Variants in KMT2C observed in about 807,000 individuals in gnomAD.
KMT2C encodes the protein histone-lysine N-methyltransferase 2C.
A neutral mutation model predicts 507.9 loss-of-function variants in KMT2C; 88 were observed. That is an observed-to-expected ratio of 0.17 (90% CI 0.15 to 0.21). KMT2C has a LOEUF of 0.21. Among genes scored for constraint, KMT2C ranks in the 10% least tolerant of loss-of-function variants. KMT2C has a pLI of 1.00. For synonymous variants in KMT2C, 2,049 were observed against 2,080.8 expected (o/e 0.98, Z 0.42); for missense variants, 4,954 against 5,957.8 (o/e 0.83, Z 5.55).
chr7:152,197,895 TTC>T (rs2094011490), intron 27 of KMT2C, among the ~76,000 whole-genome samples: 1 of 152,090 alleles, frequency 6.6e-6, no homozygotes, highest in South Asian at 2.1e-4. Flanking sequence ...TGTAAAACTG[TTC>T]TCTCTTCAGT....
intron 2 of KMT2C, among the ~76,000 whole-genome samples, chr7:152,352,319 C>T (rs1438992054): frequency 6.6e-6 from 1 of 152,172 alleles, no homozygotes; most frequent in African/African-American, 2.4e-5. Context: ...AATTACAATG[C>T]GTGCCCGAAA....
At chr7:152,164,491 G>A (rs559441935) in intron 42 of KMT2C, among the ~76,000 whole-genome samples, 51 of 151,714 alleles carry the variant, frequency 3.4e-4, no homozygotes, top group Non-Finnish European at 5.6e-4. Context: ...GGGTTTCACC[G>A]TGTTAGCCAG....
At position 152,296,997 on chromosome 7, in the gene KMT2C, AAAAGAAAGAAAGAAAGAAAG is replaced by A. The variant is rs61473498; in HGVS notation, c.849+12949_849+12968del. 5.4e-4 allele frequency among the ~76,000 whole-genome samples: 32 copies of A among 59,006 alleles called. 1 individual carries two copies. The highest frequency in any genetic ancestry group is 6.8e-4 in the Admixed American group (3 of 4,442). 38.7% of individuals were successfully genotyped at this position (59,006 alleles called of 152,430 possible). ...ACCACTAAAAAGAAAGAAAGAAAGAAAAAGAAAGAAAGAAAGAAAGAAAGAAAGAAAGAAAGAAAGAAAGA... is the reference window on the plus strand; with the variant it reads ...ACCACTAAAAAGAAAGAAAGAAAGAAAAAGAAAGAAAGAAAGAAAGAAAGA... On this transcript the variant is annotated intron_variant, in intron 6 of 58. Coordinates refer to ENST00000262189, the MANE Select transcript of KMT2C (RefSeq NM_170606.3).
intron 1 of KMT2C, among the ~76,000 whole-genome samples, chr7:152,395,492 T>A (rs2097532668): frequency 6.7e-6 from 1 of 149,358 alleles, no homozygotes; most frequent in Non-Finnish European, 1.5e-5. Flanking sequence ...CCTAACCATT[T>A]TTAAGTTTTG....
chr7:152,431,828 A>C (rs1193323044), intron 1 of KMT2C, among the ~76,000 whole-genome samples: 1 of 152,206 alleles, frequency 6.6e-6, no homozygotes, highest in Non-Finnish European at 1.5e-5. Context: ...TAAAAATTAC[A>C]AATTTGCATT....
At chr7:152,275,509 A>G (rs548832800) in intron 6 of KMT2C, among the ~76,000 whole-genome samples, 44 of 152,360 alleles carry the variant, frequency 2.9e-4, no homozygotes, top group Admixed American at 1.1e-3. Flanking sequence ...TTAATTTTAT[A>G]TAATATTATA....
rs1368710214 is a variant in KMT2C at position 152,248,496 on chromosome 7, T to C, written c.1938A>G (p.Lys646=). The change falls in exon 14 of 59, where the codon AAA becomes AAG. Residue 646 remains lysine, a synonymous_variant. Coordinates refer to ENST00000262189, the MANE Select transcript of KMT2C (RefSeq NM_170606.3). ...CTTCAATGTTTTCTGTCACTTCCAT[T>C]TTATCTTCAATTTGATCTTCGCCAC... ...HICGEDQIED[K]MEVTENIEVV... is the part of the protein sequence containing the mutation. The C allele has an allele frequency of 6.2e-7, 1 of 1,614,062 alleles. No homozygotes were observed. Among genetic ancestry groups the C allele is most frequent in the Middle Eastern group, 1.6e-4 (1 of 6,062 alleles).
chr7:152,246,529 G>C (rs1218729084), intron 14 of KMT2C, among the ~76,000 whole-genome samples: 1 of 151,976 alleles, frequency 6.6e-6, no homozygotes, highest in Non-Finnish European at 1.5e-5. Flanking sequence ...AAGTCTACAA[G>C]GAAGGAGAGA....
intron 51 of KMT2C, 77 bp from the exon 52 acceptor site, chr7:152,149,229 C>G (rs755244252): frequency 6.6e-6 from 9 of 1,364,018 alleles, no homozygotes; most frequent in Non-Finnish European, 8.6e-6. Context: ...AGACAAGAAG[C>G]TGAGCAGTAT....
At chr7:152,263,245 T>C (rs2095809214) in intron 8 of KMT2C, 115 bp from the exon 9 acceptor site, 1 of 796,144 alleles carries the variant, frequency 1.3e-6, no homozygotes, top group Non-Finnish European at 2.0e-6. Flanking sequence ...TACCTCAGTA[T>C]CTGTTTTGTC....
intron 1 of KMT2C, among the ~76,000 whole-genome samples, chr7:152,432,546 G>GT (rs930091462): frequency 2.3e-4 from 35 of 152,252 alleles, no homozygotes; most frequent in African/African-American, 8.4e-4. Context: ...TGTGCCACTT[G>GT]ACATTTGTAC....
chr7:152,280,285 G>A (rs1470224402), intron 6 of KMT2C, among the ~76,000 whole-genome samples: 1 of 152,060 alleles, frequency 6.6e-6, no homozygotes, highest in Non-Finnish European at 1.5e-5. Flanking sequence ...GCTCATGCCT[G>A]TAATCCCAGC....
At chr7:152,160,663 ATG>A (rs1202155136) in intron 43 of KMT2C, among the ~76,000 whole-genome samples, 10 of 147,898 alleles carry the variant, frequency 6.8e-5, no homozygotes, top group African/African-American at 1.2e-4. Flanking sequence ...TTATATATAG[ATG>A]TATATATTTA....
At chr7:152,208,494 G>A (rs1354015925) in intron 23 of KMT2C, among the ~76,000 whole-genome samples, 2 of 152,102 alleles carry the variant, frequency 1.3e-5, no homozygotes, top group East Asian at 3.9e-4. Flanking sequence ...ATGAGAACAG[G>A]TACACAGATT....
At position 152,300,045 on chromosome 7, in the gene KMT2C, A is replaced by T. The variant is rs1236997539; in HGVS notation, c.849+9921T>A. Among the ~76,000 whole-genome samples, 4 of 152,216 alleles carry T rather than the reference A, an allele frequency of 2.6e-5. No individual in the cohort carries two copies. The East Asian group carries it at 7.7e-4, about 29-fold the overall frequency. ...GTCTCTTTACTCTGCTCAAAGTTAC[A>T]AAGTTCTTTTGTATAAACATTAGAA... On this transcript the variant is annotated intron_variant, in intron 6 of 58. Coordinates refer to ENST00000262189, the MANE Select transcript of KMT2C (RefSeq NM_170606.3).
chr7:152,145,210 G>A lies in KMT2C; in HGVS notation c.14117C>T (p.Thr4706Ile), dbSNP rs1374150732. The A allele has an allele frequency of 1.2e-6, 2 of 1,614,190 alleles. No homozygotes were observed. The highest frequency in any genetic ancestry group is 3.3e-5 in the Admixed American group (2 of 60,028). The part of the protein sequence containing the change: ...LMELPLAVNP[T>I]GCARSEPKMS... ...TTTAGGTTCAGAACGGGCACAACCT[G>A]TGGGGTTAACGGCAAGAGGAAGTTC... The change falls in exon 54 of 59, where the codon ACA (threonine) becomes ATA (isoleucine). Residue 4706 changes from threonine to isoleucine, a missense_variant. Transcript: ENST00000262189.
At chr7:152,275,752 C>T (rs540104207) in intron 6 of KMT2C, among the ~76,000 whole-genome samples, 4 of 152,158 alleles carry the variant, frequency 2.6e-5, no homozygotes, top group African/African-American at 9.6e-5. Flanking sequence ...AGAAAGACCA[C>T]GTAAATGTCG....
chr7:152,293,055 C>T (rs758586221), intron 6 of KMT2C, among the ~76,000 whole-genome samples: 7 of 152,142 alleles, frequency 4.6e-5, no homozygotes, highest in Non-Finnish European at 8.8e-5. Context: ...AACACTTATA[C>T]TACCGAATAG....
intron 1 of KMT2C, among the ~76,000 whole-genome samples, chr7:152,430,531 A>C (rs1196094915): frequency 6.6e-6 from 1 of 152,224 alleles, no homozygotes; most frequent in Non-Finnish European, 1.5e-5. Context: ...CAGAGAGACC[A>C]TCTAATGTTC....
Sources: gnomAD v4.1 joint callset for allele counts (sites outside exome capture counted in the v4.1 genomes callset) on GRCh38, gnomAD v4.1.1 for gene constraint, MANE v1.5 for transcripts, NCBI Gene and HGNC (gene_info 2026-07-23, HGNC 2026-07-21) for gene names.